CNTN5: variants seen among roughly 807,000 people sequenced by gnomAD.
CNTN5 encodes the protein contactin-5.
Under a neutral mutation model 129.1 loss-of-function variants are expected in CNTN5, and 77 were observed. The ratio of observed to expected loss-of-function variants is 0.60; its 90% CI spans 0.50 to 0.72. CNTN5 has a LOEUF of 0.72. Ranked by LOEUF, CNTN5 falls within the 30% of genes least tolerant of loss-of-function variation. The pLI, the probability that CNTN5 is intolerant of heterozygous loss-of-function variation, is 0.00. For missense variants in CNTN5, 1,478 were observed against 1,328.8 expected (o/e 1.11, Z -1.75); for synonymous variants, 509 against 465.6 (o/e 1.09, Z -1.20).
At chr11:99,635,700 T>A (rs2135818858) in intron 3 of CNTN5, among the ~76,000 whole-genome samples, 1 of 152,214 alleles carries the variant, frequency 6.6e-6, no homozygotes. Flanking sequence ...GAAATGTCCT[T>A]TAAATGACAG....
At chr11:99,496,280 T>G (rs1272974325) in intron 2 of CNTN5, among the ~76,000 whole-genome samples, 1 of 152,158 alleles carries the variant, frequency 6.6e-6, no homozygotes, top group Non-Finnish European at 1.5e-5. Flanking sequence ...TGATTTATTT[T>G]ATTTATTTAT....
intron 1 of CNTN5, among the ~76,000 whole-genome samples, chr11:99,029,893 A>G (rs767466445): frequency 2.6e-5 from 4 of 152,198 alleles, no homozygotes; most frequent in Non-Finnish European, 2.9e-5. Context: ...ATGAATTTAA[A>G]GCATATTCTT....
intron 13 of CNTN5, among the ~76,000 whole-genome samples, chr11:100,164,604 TTA>T (rs1353896858): frequency 6.6e-6 from 1 of 151,852 alleles, no homozygotes; most frequent in African/African-American, 2.4e-5. Flanking sequence ...TCTCCATCGT[TTA>T]TACCATAAAT....
chr11:99,658,709 TA>T (rs370531678), intron 3 of CNTN5, among the ~76,000 whole-genome samples: 36 of 140,774 alleles, frequency 2.6e-4, no homozygotes, highest in Middle Eastern at 3.7e-3. Flanking sequence ...CTGTCTCTAC[TA>T]AAAAAAAAAT....
chr11:99,509,467 A>G (rs1202671468), intron 2 of CNTN5, among the ~76,000 whole-genome samples: 1 of 152,184 alleles, frequency 6.6e-6, no homozygotes, highest in African/African-American at 2.4e-5. Context: ...GTTCACTGAG[A>G]AGAGATAAGG....
rs191620118 is a variant in CNTN5, at chr11:100,014,719, C to T, written c.980+12583C>T. Among the ~76,000 whole-genome samples, 181 of 152,262 alleles carry T rather than the reference C, an allele frequency of 1.2e-3. 1 individual carries two copies. Among genetic ancestry groups the T allele is most frequent in the African/African-American group, 4.1e-3 (171 of 41,552 alleles). On this transcript the variant is annotated intron_variant, in intron 9 of 24. Transcript: ENST00000524871. ...ATCTGTTTGGTTGTCTATTGTTCCC[C>T]GGACCTTATTCCTGGTTTCCAAATC...
At chr11:99,106,003 C>T (rs1260247712) in intron 1 of CNTN5, among the ~76,000 whole-genome samples, 1 of 152,070 alleles carries the variant, frequency 6.6e-6, no homozygotes, top group Non-Finnish European at 1.5e-5. Flanking sequence ...CATGAAAAAT[C>T]TAAGTTAAAC....
chr11:99,787,103 TTTTTA>T (rs1392494535), intron 3 of CNTN5, among the ~76,000 whole-genome samples: 1 of 150,914 alleles, frequency 6.6e-6, no homozygotes, highest in Non-Finnish European at 1.5e-5. Flanking sequence ...TTTTTTTTGT[TTTTTA>T]TTTATTTATT....
chr11:99,739,165 G>A (rs1299665820), intron 3 of CNTN5, among the ~76,000 whole-genome samples: 1 of 152,062 alleles, frequency 6.6e-6, no homozygotes, highest in Non-Finnish European at 1.5e-5. Flanking sequence ...TTACCACATA[G>A]AGCATAATTG....
chr11:99,258,087 C>G (rs907034609), intron 1 of CNTN5, among the ~76,000 whole-genome samples: 2 of 152,022 alleles, frequency 1.3e-5, no homozygotes, highest in Non-Finnish European at 2.9e-5. Flanking sequence ...AAACCACATC[C>G]ATGTGAATGC....
intron 13 of CNTN5, among the ~76,000 whole-genome samples, chr11:100,137,937 T>C (rs1222068909): frequency 6.6e-6 from 1 of 152,064 alleles, no homozygotes; most frequent in African/African-American, 2.4e-5. Flanking sequence ...GATGGAAATA[T>C]CTAGGTGAGT....
intron 6 of CNTN5, 28 bp from the exon 7 acceptor site, chr11:99,916,026 G>T: frequency 6.5e-7 from 1 of 1,542,796 alleles, no homozygotes; most frequent in Non-Finnish European, 8.9e-7. Context: ...TTTCTGCCTT[G>T]GATCTAAATG....
intron 7 of CNTN5, among the ~76,000 whole-genome samples, chr11:99,920,920 T>C (rs539772614): frequency 2.6e-5 from 4 of 152,204 alleles, no homozygotes; most frequent in East Asian, 1.9e-4. Flanking sequence ...TTTTTTTTAG[T>C]TTTATATGAG....
In CNTN5 at chr11:99,198,991, C is replaced by T. The variant is rs189851441; in HGVS notation, c.-209-126355C>T. On this transcript the variant is annotated intron_variant, in intron 1 of 24. Coordinates refer to ENST00000524871, the MANE Select transcript of CNTN5 (RefSeq NM_014361.4). ...GCCCATGAAAGTATAAATTAATGCA[C>T]TAAAGAAAGGGGGAAGGAGGAATAA... Among the ~76,000 whole-genome samples, 41 of 151,810 alleles carry T rather than the reference C, an allele frequency of 2.7e-4. No individual in the cohort carries two copies. The Middle Eastern group carries it at 0.01, about 38-fold the overall frequency.
chr11:99,613,474 C>T (rs1383972579), intron 3 of CNTN5, among the ~76,000 whole-genome samples: 4 of 152,246 alleles, frequency 2.6e-5, no homozygotes, highest in Admixed American at 1.3e-4. Context: ...ATTACCCAGT[C>T]TTGGGCAGTT....
chr11:99,435,932 C>T (rs1489829839), intron 2 of CNTN5, among the ~76,000 whole-genome samples: 1 of 152,128 alleles, frequency 6.6e-6, no homozygotes, highest in Non-Finnish European at 1.5e-5. Flanking sequence ...TTCAGAATTA[C>T]AGTGCAAGGT....
intron 6 of CNTN5, among the ~76,000 whole-genome samples, chr11:99,914,575 A>G (rs1949740799): frequency 6.6e-6 from 1 of 152,146 alleles, no homozygotes; most frequent in Non-Finnish European, 1.5e-5. Context: ...TTTTACTGCT[A>G]CTGAAGTTAG....
chr11:99,813,142 T>C (rs1243570114), intron 3 of CNTN5, among the ~76,000 whole-genome samples: 1 of 152,064 alleles, frequency 6.6e-6, no homozygotes, highest in East Asian at 1.9e-4. Flanking sequence ...TAAAAAGTTA[T>C]TGAAAAAATA....
intron 2 of CNTN5, among the ~76,000 whole-genome samples, chr11:99,378,219 G>T (rs1940307872): frequency 6.6e-6 from 1 of 151,946 alleles, no homozygotes; most frequent in Admixed American, 6.6e-5. Flanking sequence ...CCCACTCTAG[G>T]CTCTGTTTCC....
Sources: gnomAD v4.1 joint callset for allele counts (sites outside exome capture counted in the v4.1 genomes callset) on GRCh38, gnomAD v4.1.1 for gene constraint, MANE v1.5 for transcripts, NCBI Gene and HGNC (gene_info 2026-07-23, HGNC 2026-07-21) for gene names.